The following CCNY variants were observed in gnomAD, a reference collection of about 807,000 sequenced individuals.
CCNY encodes cyclin-Y.
Under a neutral mutation model 42.8 loss-of-function variants are expected in CCNY, and 19 were observed. The ratio of observed to expected loss-of-function variants is 0.44; its 90% confidence interval spans 0.31 to 0.65. The LOEUF is 0.65. Among genes scored for constraint, CCNY ranks in the 30% least tolerant of loss-of-function variants. CCNY has a pLI of 0.07. For missense variants in CCNY, 370 were observed against 437.3 expected (o/e 0.85, Z 1.37); for synonymous variants, 165 against 162.7 (o/e 1.01, Z -0.11).
chr10:35,547,992 GGCTATTT>G (rs920884948), intron 7 of CCNY, among the ~76,000 whole-genome samples: 3 of 152,000 alleles, frequency 2.0e-5, no homozygotes, highest in African/African-American at 7.2e-5. Context: ...ACAGCTTATT[GGCTATTT>G]GCCTTTGGGA....
chr10:35,552,867 A>T, intron 7 of CCNY, 152 bp from the exon 8 acceptor site: 1 of 749,022 alleles, frequency 1.3e-6, no homozygotes, highest in Non-Finnish European at 2.2e-6. Context: ...CATCAGACTC[A>T]TTGAGTCATT....
At position 35,505,464 on chromosome 10, in the gene CCNY, T is replaced by C. The variant is rs116078415; in HGVS notation, c.264+3929T>C. Among the ~76,000 whole-genome samples, 1,064 of 152,058 alleles carry C rather than the reference T, an allele frequency of 7.0e-3. 11 individuals are homozygous for C. The highest frequency in any genetic ancestry group is 0.024 in the African/African-American group (1,016 of 41,484). ...GAGTCTGGTGATAGTTGAGGAAACTTTGTGAGGAAGTAAAGCAACTAGGGA... is the reference window on the plus strand; with the variant it reads ...GAGTCTGGTGATAGTTGAGGAAACTCTGTGAGGAAGTAAAGCAACTAGGGA... On this transcript the variant is annotated intron_variant, in intron 3 of 9. Coordinates refer to ENST00000374704, the MANE Select transcript of CCNY (RefSeq NM_145012.6).
intron 1 of CCNY, chr10:35,247,972 A>G (rs1232214869): frequency 6.6e-6 from 1 of 152,266 alleles, no homozygotes; most frequent in African/African-American, 2.4e-5. Flanking sequence ...GAGAATAAAC[A>G]AGTGGTGAAT....
chr10:35,562,580 G>A (rs1841487496), intron 8 of CCNY, among the ~76,000 whole-genome samples: 1 of 152,118 alleles, frequency 6.6e-6, no homozygotes, highest in Non-Finnish European at 1.5e-5. Context: ...GTGTCCTTCT[G>A]TGTCCAGCAT....
intron 2 of CCNY, among the ~76,000 whole-genome samples, chr10:35,490,617 C>T (rs189788010): frequency 6.6e-6 from 1 of 152,346 alleles, no homozygotes; most frequent in Non-Finnish European, 1.5e-5. Context: ...AAACCATCCT[C>T]ACTGTGATAT....
intron 1 of CCNY, among the ~76,000 whole-genome samples, chr10:35,394,154 G>A (rs1238582403): frequency 6.6e-6 from 1 of 152,184 alleles, no homozygotes; most frequent in Non-Finnish European, 1.5e-5. Context: ...ACGTGGAGCT[G>A]TGGCTAGAAA....
intron 1 of CCNY, among the ~76,000 whole-genome samples, chr10:35,387,759 T>C (rs1419231386): frequency 6.6e-6 from 1 of 152,238 alleles, no homozygotes; most frequent in Non-Finnish European, 1.5e-5. Context: ...GTATAGCATG[T>C]AGAATTAAGC....
At chr10:35,405,328 A>G (rs1159383103) in intron 1 of CCNY, among the ~76,000 whole-genome samples, 3 of 152,100 alleles carry the variant, frequency 2.0e-5, no homozygotes, top group South Asian at 2.1e-4. Flanking sequence ...TTTGTTGTCA[A>G]GGAGGGAGTA....
At chr10:35,301,586 C>A (rs1417420688) in intron 3 of CCNY, among the ~76,000 whole-genome samples, 1 of 152,100 alleles carries the variant, frequency 6.6e-6, no homozygotes, top group Non-Finnish European at 1.5e-5. Context: ...AATTAGCAGT[C>A]TTTTCTTATT....
Position 35,570,528 on chromosome 10 carries a change from A to T in CCNY, c.*1358A>T, listed in dbSNP as rs958277621. ...GATAGAATATCAAATAGTGAATTTG[A>T]TATGAAATCTAAGAGTGTGAGTCAC... On this transcript the variant is annotated 3_prime_UTR_variant, in exon 10 of 10. Transcript: ENST00000374704. 2.0e-5 allele frequency: 3 copies of T among 152,350 alleles called. No individual in the cohort carries two copies. The highest frequency in any genetic ancestry group is 4.4e-5 in the Non-Finnish European group (3 of 68,034). The allele number at this position is 152,350 out of a possible 1,614,324, so 9.4% of individuals were successfully genotyped here. A position where few individuals can be genotyped will look rare whatever the true frequency, so the allele number is the denominator to read the frequency against.
intron 3 of CCNY, among the ~76,000 whole-genome samples, chr10:35,270,334 T>G (rs1397891205): frequency 6.6e-6 from 1 of 152,104 alleles, no homozygotes; most frequent in Admixed American, 6.6e-5. Flanking sequence ...TAAAATTCAC[T>G]TTAGTCTAAT....
At chr10:35,472,554 C>G (rs1423797956) in intron 1 of CCNY, among the ~76,000 whole-genome samples, 2 of 152,146 alleles carry the variant, frequency 1.3e-5, no homozygotes, top group Non-Finnish European at 2.9e-5. Flanking sequence ...GTACCTGTAA[C>G]TCAGCATTAC....
intron 1 of CCNY, among the ~76,000 whole-genome samples, chr10:35,461,625 C>G (rs1035785086): frequency 5.9e-5 from 9 of 152,178 alleles, no homozygotes. Flanking sequence ...AGCAAAGACT[C>G]TTTCTTTAGA....
intron 1 of CCNY, among the ~76,000 whole-genome samples, chr10:35,476,981 A>G (rs891039530): frequency 1.3e-5 from 2 of 152,168 alleles, no homozygotes; most frequent in Admixed American, 1.3e-4. Context: ...CAGAAATACA[A>G]ACTACCATCA....
chr10:35,549,368 G>T (rs1333975730), intron 7 of CCNY, among the ~76,000 whole-genome samples: 1 of 151,440 alleles, frequency 6.6e-6, no homozygotes, highest in Non-Finnish European at 1.5e-5. Context: ...GCTGCTCATG[G>T]CTTATGACCC....
intron 1 of CCNY, among the ~76,000 whole-genome samples, chr10:35,363,364 T>C (rs1589062545): frequency 1.5e-5 from 2 of 137,086 alleles, no homozygotes; most frequent in African/African-American, 5.7e-5. Context: ...CGGGCAGAGG[T>C]GCTTCTCACT....
chr10:35,375,565 G>T (rs541472259), intron 1 of CCNY, among the ~76,000 whole-genome samples: 4 of 152,320 alleles, frequency 2.6e-5, no homozygotes, highest in African/African-American at 9.6e-5. Context: ...TAAGTATTGA[G>T]TCATCTTGTT....
At chr10:35,487,305 A>G (rs1839807831) in intron 2 of CCNY, among the ~76,000 whole-genome samples, 1 of 152,110 alleles carries the variant, frequency 6.6e-6, no homozygotes, top group African/African-American at 2.4e-5. Flanking sequence ...CATTCAGGTT[A>G]ATATACTTTG....
At chr10:35,373,888 C>CTTCATGGTTG (rs530695890) in intron 1 of CCNY, among the ~76,000 whole-genome samples, 2 of 151,924 alleles carry the variant, frequency 1.3e-5, no homozygotes, top group Non-Finnish European at 1.5e-5. Flanking sequence ...GTTGTTTCTC[C>CTTCATGGTTG]TAACCCCTGA....
Sources: allele counts gnomAD v4.1 joint callset (sites outside exome capture counted in the v4.1 genomes callset), GRCh38; gene constraint gnomAD v4.1.1; transcripts MANE v1.5; gene names NCBI Gene and HGNC (gene_info 2026-07-23, HGNC 2026-07-21).